The following CSMD2 variants were observed in gnomAD, a reference collection of about 807,000 sequenced individuals.
CSMD2 encodes CUB and Sushi multiple domains 2, also known as CUB and sushi domain-containing protein 2.
A neutral mutation model predicts 398.5 loss-of-function variants in CSMD2; 130 were observed. The observed-to-expected ratio is 0.33, with a 90% CI of 0.28 to 0.38. The LOEUF is 0.38. CSMD2 is among the 10% of genes least tolerant of loss of function. The probability of loss-of-function intolerance (pLI) is 1.00; values close to 1 mark genes in which losing one functional copy is unlikely to be tolerated. For missense variants in CSMD2, 3,829 were observed against 4,764.9 expected, an observed-to-expected ratio of 0.80 and a Z score of 5.78; for synonymous variants, 1,828 against 1,908.5, an observed-to-expected ratio of 0.96 and a Z score of 1.10.
chr1:34,144,460 G>C (rs1244854602), intron 1 of CSMD2, among the ~76,000 whole-genome samples: 1 of 152,146 alleles, frequency 6.6e-6, no homozygotes, highest in African/African-American at 2.4e-5. Context: ...GGCATACTTA[G>C]CTCAGCCCCA....
intron 29 of CSMD2, among the ~76,000 whole-genome samples, chr1:33,644,437 A>T (rs1328658773): frequency 6.6e-6 from 1 of 152,096 alleles, no homozygotes; most frequent in Non-Finnish European, 1.5e-5. Flanking sequence ...GAATTTTGGA[A>T]TCTCTGCCAA....
At chr1:34,029,950 T>C (rs572491565) in intron 3 of CSMD2, among the ~76,000 whole-genome samples, 1 of 152,336 alleles carries the variant, frequency 6.6e-6, no homozygotes, top group East Asian at 1.9e-4. Context: ...CTGCCTCACC[T>C]GTGCCAGGCA....
intron 2 of CSMD2, among the ~76,000 whole-genome samples, chr1:34,085,371 A>T (rs1305205668): frequency 1.4e-5 from 2 of 138,618 alleles, no homozygotes; most frequent in Non-Finnish European, 3.1e-5. Context: ...CCTAAAACTT[A>T]AAAGTACAAT....
At chr1:33,521,579 G>A (rs1023956732) in intron 67 of CSMD2, 29 bp from the exon 68 acceptor site, 4 of 1,410,016 alleles carry the variant, frequency 2.8e-6, no homozygotes, top group East Asian at 2.3e-5. Flanking sequence ...CAGAGAGCAG[G>A]TGGGAGGCTG....
At chr1:33,702,946 C>T (rs1043153063) in intron 22 of CSMD2, among the ~76,000 whole-genome samples, 2 of 152,160 alleles carry the variant, frequency 1.3e-5, no homozygotes, top group Non-Finnish European at 2.9e-5. Flanking sequence ...AAATATTCCA[C>T]ACACTACTAA....
At chr1:33,783,286 A>T (rs1173884767) in intron 12 of CSMD2, among the ~76,000 whole-genome samples, 1 of 152,110 alleles carries the variant, frequency 6.6e-6, no homozygotes, top group Non-Finnish European at 1.5e-5. Context: ...AAATTCCTGT[A>T]TTGAGGCTCT....
chr1:33,904,360 G>A (rs933117838), intron 5 of CSMD2, among the ~76,000 whole-genome samples: 1 of 152,148 alleles, frequency 6.6e-6, no homozygotes, highest in Non-Finnish European at 1.5e-5. Flanking sequence ...CAAACTGGAT[G>A]GAAACAACCC....
intron 1 of CSMD2, among the ~76,000 whole-genome samples, chr1:34,110,103 T>C (rs1660921805): frequency 1.4e-5 from 2 of 144,170 alleles, no homozygotes; most frequent in African/African-American, 2.5e-5. Context: ...AAGCTCAATA[T>C]CATTGATCAT....
chr1:33,531,274 T>TA (rs760156603), intron 64 of CSMD2, among the ~76,000 whole-genome samples: 9 of 152,034 alleles, frequency 5.9e-5, no homozygotes, highest in Non-Finnish European at 1.0e-4. Flanking sequence ...AAACAAACAA[T>TA]AAAAAACACC....
At chr1:34,034,172 G>A (rs1182861100) in intron 2 of CSMD2, among the ~76,000 whole-genome samples, 12 of 152,048 alleles carry the variant, frequency 7.9e-5, no homozygotes, top group Admixed American at 5.9e-4. Context: ...AGCAAGACAC[G>A]CAGAGGACTC....
intron 6 of CSMD2, among the ~76,000 whole-genome samples, chr1:33,827,576 A>G (rs1172891292): frequency 6.6e-6 from 1 of 152,086 alleles, no homozygotes; most frequent in African/African-American, 2.4e-5. Flanking sequence ...TATCTTCCCA[A>G]TGTTCTAACA....
At chr1:33,865,650 C>A (rs1639977220) in intron 5 of CSMD2, among the ~76,000 whole-genome samples, 1 of 152,146 alleles carries the variant, frequency 6.6e-6, no homozygotes, top group Non-Finnish European at 1.5e-5. Flanking sequence ...GGGGACACCG[C>A]AGTCCAGGGA....
At chr1:33,617,073 G>A in intron 38 of CSMD2, 98 bp from the exon 39 acceptor site, 1 of 868,472 alleles carries the variant, frequency 1.2e-6, no homozygotes, top group Non-Finnish European at 1.9e-6. Context: ...GGGGCCTCAT[G>A]TTAAGGAACA....
intron 24 of CSMD2, among the ~76,000 whole-genome samples, chr1:33,693,455 T>C (rs1185325231): frequency 1.3e-5 from 2 of 152,038 alleles, no homozygotes; most frequent in Admixed American, 1.3e-4. Flanking sequence ...CAAGCGTAGG[T>C]GGGGAGTGGA....
intron 2 of CSMD2, among the ~76,000 whole-genome samples, chr1:34,070,120 A>T (rs1042999912): frequency 1.3e-5 from 2 of 152,230 alleles, no homozygotes; most frequent in Non-Finnish European, 2.9e-5. Flanking sequence ...TCCAAAATAG[A>T]AGAAGCCCAC....
chr1:34,119,618 A>G (rs1321527500), intron 1 of CSMD2, among the ~76,000 whole-genome samples: 1 of 152,216 alleles, frequency 6.6e-6, no homozygotes, highest in Non-Finnish European at 1.5e-5. Flanking sequence ...GGACTTTAAT[A>G]GACATTTCCC....
chr1:33,728,418 A>G (rs1646613377), intron 15 of CSMD2, among the ~76,000 whole-genome samples: 1 of 152,214 alleles, frequency 6.6e-6, no homozygotes, highest in Non-Finnish European at 1.5e-5. Context: ...AGGAAGTTTA[A>G]TTAACAAAGA....
At chr1:33,851,789 C>A (rs1458145853) in intron 5 of CSMD2, among the ~76,000 whole-genome samples, 1 of 152,176 alleles carries the variant, frequency 6.6e-6, no homozygotes, top group Non-Finnish European at 1.5e-5. Context: ...AAGATAAATT[C>A]TTTCCCCAAG....
intron 13 of CSMD2, among the ~76,000 whole-genome samples, chr1:33,748,187 A>C (rs936396227): frequency 6.6e-6 from 1 of 152,250 alleles, no homozygotes; most frequent in Non-Finnish European, 1.5e-5. Flanking sequence ...GCGTTGTCTT[A>C]CAAAGATCTA....
Sources: gnomAD v4.1 joint callset for allele counts (sites outside exome capture counted in the v4.1 genomes callset) on GRCh38, gnomAD v4.1.1 for gene constraint, MANE v1.5 for transcripts, NCBI Gene and HGNC (gene_info 2026-07-23, HGNC 2026-07-21) for gene names.